The following L3MBTL3 variants were observed in gnomAD, a reference collection of about 807,000 sequenced individuals.
L3MBTL3 encodes lethal(3)malignant brain tumor-like protein 3.
L3MBTL3 carries 27 observed loss-of-function variants against 102.3 expected under a neutral mutation model. The observed-to-expected ratio is 0.26, with a 90% confidence interval of 0.19 to 0.36. L3MBTL3 has a LOEUF of 0.36. Ranked by LOEUF, L3MBTL3 falls within the 10% of genes least tolerant of loss-of-function variation. L3MBTL3 has a pLI of 1.00. For missense variants in L3MBTL3, 798 were observed against 955.3 expected (o/e 0.84, Z 2.17); for synonymous variants, 340 against 320.9 (o/e 1.06, Z -0.64).
chr6:130,112,010 C>G (rs1195820737), intron 19 of L3MBTL3, among the ~76,000 whole-genome samples: 1 of 152,230 alleles, frequency 6.6e-6, no homozygotes, highest in African/African-American at 2.4e-5. Context: ...TGAGATACCT[C>G]CTTTCCCTCT....
Position 130,115,999 on chromosome 6 carries a change from A to G in L3MBTL3, c.1887-4880A>G, listed in dbSNP as rs540768129. Reference sequence around the variant, plus strand: ...ATCATCACACCTTCATTCTACAAACATGGAACCTCCTTTGGTTAGAGGCCA... The same window carrying G: ...ATCATCACACCTTCATTCTACAAACGTGGAACCTCCTTTGGTTAGAGGCCA... On this transcript the variant is annotated intron_variant, in intron 19 of 22. Transcript: ENST00000361794. Among the ~76,000 whole-genome samples the G allele has an allele frequency of 2.6e-5, 4 of 152,276 alleles. No individual in the cohort carries two copies. In the South Asian group the frequency reaches 8.3e-4, roughly 32 times the overall value.
chr6:130,038,024 A>G (rs1247750973), intron 2 of L3MBTL3, among the ~76,000 whole-genome samples: 1 of 151,592 alleles, frequency 6.6e-6, no homozygotes, highest in Non-Finnish European at 1.5e-5. Flanking sequence ...AGAACATGTG[A>G]TATTTGTCTT....
intron 3 of L3MBTL3, among the ~76,000 whole-genome samples, chr6:130,047,973 T>C (rs545664992): frequency 2.0e-5 from 3 of 152,316 alleles, no homozygotes; most frequent in East Asian, 1.9e-4. Flanking sequence ...GAATACATAG[T>C]AGGGTTCGAA....
At chr6:130,084,793 C>G (rs1201700914) in intron 15 of L3MBTL3, among the ~76,000 whole-genome samples, 1 of 152,278 alleles carries the variant, frequency 6.6e-6, no homozygotes, top group South Asian at 2.1e-4. Context: ...ATTGACTGCT[C>G]TGTGTTATTT....
intron 20 of L3MBTL3, among the ~76,000 whole-genome samples, chr6:130,123,349 C>T (rs1786371126): frequency 6.6e-6 from 1 of 151,930 alleles, no homozygotes; most frequent in Admixed American, 6.6e-5. Flanking sequence ...TGTAATTTTT[C>T]AAGTCATTTA....
intron 19 of L3MBTL3, among the ~76,000 whole-genome samples, chr6:130,118,068 A>G: frequency 6.6e-6 from 1 of 151,998 alleles, no homozygotes; most frequent in Non-Finnish European, 1.5e-5. Flanking sequence ...CAGTCTCTTC[A>G]TTCCTGACCT....
At chr6:130,036,315 A>G (rs1415653251) in intron 2 of L3MBTL3, among the ~76,000 whole-genome samples, 1 of 152,180 alleles carries the variant, frequency 6.6e-6, no homozygotes, top group East Asian at 1.9e-4. Flanking sequence ...GTCTTCTTGT[A>G]ATAATGAAAG....
At chr6:130,079,915 C>G (rs375345856) in intron 14 of L3MBTL3, among the ~76,000 whole-genome samples, 12 of 152,278 alleles carry the variant, frequency 7.9e-5, no homozygotes, top group East Asian at 5.8e-4. Context: ...ATTTACAGTA[C>G]TATTTTGACA....
At chr6:130,067,322 C>G (rs1281797323) in intron 11 of L3MBTL3, among the ~76,000 whole-genome samples, 1 of 152,116 alleles carries the variant, frequency 6.6e-6, no homozygotes, top group Non-Finnish European at 1.5e-5. Flanking sequence ...CCATGTTGGC[C>G]AGGCTGGTCT....
chr6:130,020,693 C>T (rs1778944775), intron 1 of L3MBTL3: 1 of 151,964 alleles, frequency 6.6e-6, no homozygotes, highest in Admixed American at 6.5e-5. Context: ...GGTTTCCCTT[C>T]TGAGTCCCCC....
At chr6:130,038,319 C>A (rs940572762) in intron 2 of L3MBTL3, among the ~76,000 whole-genome samples, 1 of 151,802 alleles carries the variant, frequency 6.6e-6, no homozygotes, top group African/African-American at 2.4e-5. Context: ...GTATTTCTAT[C>A]TTTAATTTTT....
At chr6:130,109,003 A>G (rs1785176915) in intron 19 of L3MBTL3, among the ~76,000 whole-genome samples, 1 of 152,136 alleles carries the variant, frequency 6.6e-6, no homozygotes, top group South Asian at 2.1e-4. Flanking sequence ...GATGGCTTCC[A>G]GCTTCATCCA....
At chr6:130,059,940 G>A (rs1360816365) in intron 9 of L3MBTL3, 96 bp from the exon 10 acceptor site, 1 of 618,114 alleles carries the variant, frequency 1.6e-6, no homozygotes, top group Non-Finnish European at 2.8e-6. Context: ...TTATGTATTT[G>A]GTTAAATAGT....
chr6:130,110,765 T>C (rs982382156), intron 19 of L3MBTL3, among the ~76,000 whole-genome samples: 6 of 152,260 alleles, frequency 3.9e-5, no homozygotes, highest in Non-Finnish European at 5.9e-5. Flanking sequence ...ATCCTTGTCT[T>C]GTGCCGGTTT....
chr6:130,096,146 G>T (rs1015380585), intron 18 of L3MBTL3, among the ~76,000 whole-genome samples: 30 of 152,252 alleles, frequency 2.0e-4, no homozygotes, highest in Non-Finnish European at 4.1e-4. Flanking sequence ...GCCACGGGGG[G>T]TACTGGGGAG....
At chr6:130,070,731 T>C (rs891763790) in intron 12 of L3MBTL3, 4 of 334,580 alleles carry the variant, frequency 1.2e-5, no homozygotes, top group African/African-American at 4.3e-5. Flanking sequence ...TGTGAGGTGA[T>C]GGATATTTTC....
At chr6:130,065,136 A>T (rs533272886) in intron 10 of L3MBTL3, among the ~76,000 whole-genome samples, 1 of 152,184 alleles carries the variant, frequency 6.6e-6, no homozygotes, top group Non-Finnish European at 1.5e-5. Context: ...ATATCAATAC[A>T]TTCTAATTGA....
chr6:130,044,223 G>A (rs1780597289), intron 3 of L3MBTL3, among the ~76,000 whole-genome samples: 1 of 151,990 alleles, frequency 6.6e-6, no homozygotes, highest in Non-Finnish European at 1.5e-5. Context: ...TAAAATTGAG[G>A]ACATTAGAAT....
chr6:130,137,622 T>C (rs2114480844), intron 22 of L3MBTL3: 1 of 152,316 alleles, frequency 6.6e-6, no homozygotes, highest in East Asian at 1.9e-4. Flanking sequence ...ATGTTTTTTT[T>C]TTTCATCAGT....
Sources: allele counts gnomAD v4.1 joint callset (sites outside exome capture counted in the v4.1 genomes callset), GRCh38; gene constraint gnomAD v4.1.1; transcripts MANE v1.5; gene names NCBI Gene and HGNC (gene_info 2026-07-23, HGNC 2026-07-21).